KCNIP4: variants seen among roughly 807,000 people sequenced by gnomAD.
KCNIP4 encodes the protein Kv channel-interacting protein 4.
In KCNIP4, 12 loss-of-function variants were observed where a neutral mutation model predicts 34.0. That is an observed-to-expected ratio of 0.35 (90% CI 0.23 to 0.57). The LOEUF is 0.57. Ranked by LOEUF, KCNIP4 falls within the 20% of genes least tolerant of loss-of-function variation. The pLI is 0.83. For synonymous variants in KCNIP4, 124 were observed against 102.2 expected, an observed-to-expected ratio of 1.21 and a Z score of -1.29; for missense variants, 238 against 311.7, an observed-to-expected ratio of 0.76 and a Z score of 1.78.
chr4:20,883,651 A>G (rs1267958936), intron 1 of KCNIP4, among the ~76,000 whole-genome samples: 1 of 152,148 alleles, frequency 6.6e-6, no homozygotes, highest in African/African-American at 2.4e-5. Context: ...TCGAGGTTCT[A>G]CCATCTTTAT....
At chr4:21,669,503 T>G (rs1194349539) in intron 1 of KCNIP4, among the ~76,000 whole-genome samples, 1 of 152,236 alleles carries the variant, frequency 6.6e-6, no homozygotes. Context: ...CTGAATATAT[T>G]ATCAGTAAGC....
At chr4:21,845,020 TTA>T (rs1001295113) in intron 1 of KCNIP4, 1 of 151,932 alleles carries the variant, frequency 6.6e-6, no homozygotes, top group African/African-American at 2.4e-5. Context: ...GTTTACGGTT[TTA>T]ATTCAGGAAA....
chr4:21,249,239 T>C (rs1760511810), intron 1 of KCNIP4, among the ~76,000 whole-genome samples: 1 of 152,010 alleles, frequency 6.6e-6, no homozygotes, highest in Non-Finnish European at 1.5e-5. Flanking sequence ...CATACATACA[T>C]ACATATAACC....
At chr4:21,226,624 A>C (rs1441035211) in intron 1 of KCNIP4, among the ~76,000 whole-genome samples, 1 of 152,154 alleles carries the variant, frequency 6.6e-6, no homozygotes, top group Non-Finnish European at 1.5e-5. Context: ...ATATCTTGAA[A>C]CATAGGGAGG....
intron 1 of KCNIP4, among the ~76,000 whole-genome samples, chr4:20,965,868 C>T (rs969778704): frequency 1.3e-5 from 2 of 152,134 alleles, no homozygotes; most frequent in African/African-American, 2.4e-5. Context: ...GGCTAACTTA[C>T]TATTTTGAGC....
Position 21,352,875 on chromosome 4 carries a change from C to T in KCNIP4, c.62-470166G>A, listed in dbSNP as rs147462862. On this transcript the variant is annotated intron_variant, in intron 1 of 8. Transcript: ENST00000382152. ...ACTGGGAGACACCTCCCAGTAAGGG[C>T]TGACAGACACTTCATACAGGTGGGT... Among the ~76,000 whole-genome samples the T allele has an allele frequency of 2.5e-3, 387 of 152,304 alleles. 1 individual carries two copies. Among genetic ancestry groups the T allele is most frequent in the African/African-American group, 9.0e-3 (373 of 41,584 alleles).
At chr4:21,523,899 G>T (rs953269124) in intron 1 of KCNIP4, among the ~76,000 whole-genome samples, 8 of 151,982 alleles carry the variant, frequency 5.3e-5, no homozygotes, top group Non-Finnish European at 1.2e-4. Flanking sequence ...ACCTTTACAT[G>T]GAGGCTTTGA....
At chr4:21,121,180 C>T (rs1750125561) in intron 1 of KCNIP4, among the ~76,000 whole-genome samples, 1 of 152,218 alleles carries the variant, frequency 6.6e-6, no homozygotes, top group African/African-American at 2.4e-5. Flanking sequence ...AATCCATACA[C>T]AACCCCAGGT....
chr4:21,062,607 T>C (rs1205947360), intron 1 of KCNIP4, among the ~76,000 whole-genome samples: 1 of 151,298 alleles, frequency 6.6e-6, no homozygotes, highest in Non-Finnish European at 1.5e-5. Flanking sequence ...GTCAAACAAA[T>C]TGCAAGATCT....
intron 1 of KCNIP4, among the ~76,000 whole-genome samples, chr4:21,299,384 C>T (rs1369757602): frequency 6.6e-6 from 1 of 151,800 alleles, no homozygotes; most frequent in African/African-American, 2.4e-5. Context: ...CTTTTTCTTC[C>T]AATAGTTCCC....
At chr4:21,141,602 G>A (rs1577771058) in intron 1 of KCNIP4, among the ~76,000 whole-genome samples, 2 of 152,136 alleles carry the variant, frequency 1.3e-5, no homozygotes, top group African/African-American at 4.8e-5. Context: ...AGAGTCTACT[G>A]TGTTGGCTTA....
At chr4:21,223,084 T>A (rs902399873) in intron 1 of KCNIP4, among the ~76,000 whole-genome samples, 1 of 152,184 alleles carries the variant, frequency 6.6e-6, no homozygotes, top group Admixed American at 6.5e-5. Flanking sequence ...TGAGTGTGAC[T>A]AAGTTAACTA....
chr4:20,850,683 A>C lies in KCNIP4; in HGVS notation c.164-16T>G, dbSNP rs779284618. ...TCCACGCTGTCTGTGGAGGAAAACA[A>C]GAAAGAGTCTTAGGACCAGCCACTG... On this transcript the variant is annotated splice_polypyrimidine_tract_variant and intron_variant, in intron 2 of 8. Coordinates refer to ENST00000382152, the MANE Select transcript of KCNIP4 (RefSeq NM_025221.6). 1.1e-5 allele frequency: 17 copies of C among 1,610,340 alleles called. No individual in the cohort carries two copies. The African/African-American group carries it at 1.9e-4, about 18-fold the overall frequency.
intron 1 of KCNIP4, among the ~76,000 whole-genome samples, chr4:21,351,662 G>T (rs1401268836): frequency 6.6e-6 from 1 of 152,160 alleles, no homozygotes; most frequent in Non-Finnish European, 1.5e-5. Context: ...GATCATGAGG[G>T]TTGGCCCTAA....
chr4:21,433,492 C>T (rs1355519276), intron 1 of KCNIP4, among the ~76,000 whole-genome samples: 1 of 152,184 alleles, frequency 6.6e-6, no homozygotes, highest in Non-Finnish European at 1.5e-5. Flanking sequence ...GAACCTCTAG[C>T]CTTTAGCCAC....
At chr4:20,742,804 A>G (rs1157791448) in intron 5 of KCNIP4, among the ~76,000 whole-genome samples, 2 of 152,288 alleles carry the variant, frequency 1.3e-5, no homozygotes. Context: ...ATGATTGTAT[A>G]TTTAGAAAAC....
At chr4:21,781,599 T>C (rs1218865713) in intron 1 of KCNIP4, among the ~76,000 whole-genome samples, 1 of 152,124 alleles carries the variant, frequency 6.6e-6, no homozygotes, top group African/African-American at 2.4e-5. Flanking sequence ...TTATCTGTTA[T>C]TTATCGAATA....
intron 1 of KCNIP4, among the ~76,000 whole-genome samples, chr4:21,480,661 A>G: frequency 6.6e-6 from 1 of 152,226 alleles, no homozygotes; most frequent in East Asian, 1.9e-4. Context: ...AAAATATACC[A>G]AATATTCAGT....
chr4:21,486,221 A>G (rs358581), intron 1 of KCNIP4, among the ~76,000 whole-genome samples: 105,786 of 151,944 alleles, frequency 0.7, 37,279 homozygotes, highest in African/African-American at 0.81. Flanking sequence ...GACCTGATAT[A>G]TGTTTCCTTC....
Sources: gnomAD v4.1 joint callset for allele counts (sites outside exome capture counted in the v4.1 genomes callset) on GRCh38, gnomAD v4.1.1 for gene constraint, MANE v1.5 for transcripts, NCBI Gene and HGNC (gene_info 2026-07-23, HGNC 2026-07-21) for gene names.